Variants in ZNF410 observed in about 807,000 individuals in gnomAD.
ZNF410 encodes zinc finger protein 410, also known as another partner for ARF 1.
ZNF410 carries 18 observed loss-of-function variants against 54.8 expected under a neutral mutation model. That is an observed-to-expected ratio of 0.33 (90% CI 0.23 to 0.49). The LOEUF is 0.49. ZNF410 is among the 20% of genes least tolerant of loss of function. The pLI, the probability that ZNF410 is intolerant of heterozygous loss-of-function variation, is 0.99. For synonymous variants in ZNF410, 191 were observed against 207.3 expected, an observed-to-expected ratio of 0.92 and a Z score of 0.68; for missense variants, 405 against 569.6, an observed-to-expected ratio of 0.71 and a Z score of 2.94.
chr14:73,895,576 C>A (rs1022341084), intron 3 of ZNF410, among the ~76,000 whole-genome samples: 3 of 152,130 alleles, frequency 2.0e-5, no homozygotes, highest in East Asian at 1.9e-4. Context: ...TTCCACATTT[C>A]TTTTAGTTTT....
intron 11 of ZNF410, among the ~76,000 whole-genome samples, chr14:73,926,178 ACAAGATAC>A (rs1566667620): frequency 6.6e-6 from 1 of 152,214 alleles, no homozygotes; most frequent in Admixed American, 6.5e-5. Flanking sequence ...TATGCCTCTA[ACAAGATAC>A]AATATTAAAA....
At chr14:73,898,353 T>C (rs2055355090) in intron 5 of ZNF410, 91 bp downstream of exon 5, 1 of 1,303,394 alleles carries the variant, frequency 7.7e-7, no homozygotes, top group Non-Finnish European at 1.1e-6. Flanking sequence ...TAATTTAAAT[T>C]ATTCTATTGA....
chr14:73,904,743 G>A (rs1362700127), intron 6 of ZNF410, among the ~76,000 whole-genome samples, 159 bp from the exon 7 acceptor site: 1 of 148,178 alleles, frequency 6.7e-6, no homozygotes, highest in Non-Finnish European at 1.5e-5. Flanking sequence ...ACAGGCGTGA[G>A]CCACCACCCA....
At chr14:73,908,700 A>G (rs1357788033) in intron 7 of ZNF410, among the ~76,000 whole-genome samples, 1 of 152,118 alleles carries the variant, frequency 6.6e-6, no homozygotes, top group African/African-American at 2.4e-5. Context: ...CATCCTTGTC[A>G]TCTTTTAGAT....
At chr14:73,919,898 T>G (rs1174583375) in intron 8 of ZNF410, among the ~76,000 whole-genome samples, 1 of 147,142 alleles carries the variant, frequency 6.8e-6, no homozygotes, top group Non-Finnish European at 1.5e-5. Context: ...TTTTTTTTTT[T>G]TTTTTTTTTT....
intron 8 of ZNF410, among the ~76,000 whole-genome samples, chr14:73,917,201 T>C (rs1170373365): frequency 6.6e-6 from 1 of 152,196 alleles, no homozygotes; most frequent in Non-Finnish European, 1.5e-5. Context: ...AAAATGATAA[T>C]ACCAATATTA....
rs866747210 is a variant in ZNF410 at position 73,909,429 on chromosome 14, A to G, written c.1002A>G (p.Ser334=). 1 of 1,613,346 alleles carries G rather than the reference A, an allele frequency of 6.2e-7. No individual in the cohort carries two copies. The highest frequency in any genetic ancestry group is 8.5e-7 in the Non-Finnish European group (1 of 1,179,498). The change falls in exon 8 of 12, where the codon TCA becomes TCG. Residue 334 remains serine (S), a splice_region_variant and synonymous_variant. Coordinates refer to ENST00000555044, the MANE Select transcript of ZNF410 (RefSeq NM_021188.3). The stretch of plus-strand genomic sequence containing the variant: ...TCCGAAAACATCTGGTGGTTCACTC[A>G]GGTATCAGAACCTCTGCCATTCATA... The part of the protein sequence containing the change: ...SSLRKHLVVH[S]GEKPHQCQVC...
At chr14:73,897,685 G>A (rs1000371674) in intron 4 of ZNF410, among the ~76,000 whole-genome samples, 1 of 152,032 alleles carries the variant, frequency 6.6e-6, no homozygotes, top group Admixed American at 6.6e-5. Context: ...GACATGGAGA[G>A]TTTCTGGGCC....
intron 3 of ZNF410, chr14:73,896,044 C>G (rs915767432): frequency 2.4e-5 from 10 of 420,044 alleles, no homozygotes; most frequent in Non-Finnish European, 3.4e-5. Flanking sequence ...GGACTAAATT[C>G]TGTGATGTCC....
rs1417603799 is a variant in ZNF410, at chr14:73,892,059, T to TA, written c.-116dup. The TA allele has an allele frequency of 1.7e-6, 2 of 1,168,106 alleles. No homozygotes were observed. The highest frequency in any genetic ancestry group is 2.6e-6 in the Non-Finnish European group (2 of 774,046). The allele number at this position is 1,168,106 out of a possible 1,614,324, so 72.4% of individuals were successfully genotyped here. On this transcript the variant is annotated 5_prime_UTR_variant, in exon 2 of 12. Transcript: ENST00000555044. ...TGATTACCCACCTAGTACAACATCT[T>TA]ACGGGAAGAGCATAGTATTTCCTAG...
chr14:73,889,896 A>G (rs1448782313), intron 1 of ZNF410, among the ~76,000 whole-genome samples: 1 of 150,662 alleles, frequency 6.6e-6, no homozygotes, highest in Admixed American at 6.7e-5. Context: ...TCCTAGGTCC[A>G]AGCGATTCCC....
At position 73,898,084 on chromosome 14, in the gene ZNF410, A is replaced by T. The variant is rs549592504; in HGVS notation, c.402A>T (p.Ser134=). The change falls in exon 5 of 12, where the codon TCA becomes TCT. Residue 134 remains serine, a synonymous_variant. Coordinates refer to ENST00000555044, the MANE Select transcript of ZNF410 (RefSeq NM_021188.3). The stretch of plus-strand genomic sequence containing the variant: ...TGTTTCTTCCAGGTCTGGGCTCTTC[A>T]GCTGAGCACTTAGTGTTTGTACAGG... ...LNLTRAGLGS[S]AEHLVFVQDE... 3.1e-6 allele frequency: 5 copies of T among 1,613,246 alleles called. No individual in the cohort carries two copies. In the African/African-American group the frequency reaches 6.7e-5, roughly 22 times the overall value.
chr14:73,892,951 G>A (rs1437077805), intron 2 of ZNF410, among the ~76,000 whole-genome samples: 9 of 152,046 alleles, frequency 5.9e-5, no homozygotes, highest in Non-Finnish European at 1.2e-4. Flanking sequence ...GCGTGGTGGC[G>A]GGCACCTGTA....
intron 7 of ZNF410, among the ~76,000 whole-genome samples, chr14:73,905,964 CACACATATATATATAT>C (rs1254126436): frequency 2.0e-5 from 2 of 100,636 alleles, no homozygotes; most frequent in Non-Finnish European, 3.8e-5. Flanking sequence ...CACACACACA[CACACATATATATATAT>C]ATATATATAT....
rs765190743 is a variant in ZNF410 at position 73,923,541 on chromosome 14, CTT to C, written c.1398+21_1398+22del. On this transcript the variant is annotated intron_variant, in intron 11 of 11. Coordinates refer to ENST00000555044, the MANE Select transcript of ZNF410 (RefSeq NM_021188.3). ...ACAAGAGGTAAAGTGGTCTCTTGCC[CTT>C]TGTTTCTGTGACAATTCATGTGGGG... 7 of 1,604,494 alleles carry C rather than the reference CTT, an allele frequency of 4.4e-6. No individual in the cohort carries two copies. The African/African-American group carries it at 8.0e-5, about 18-fold the overall frequency.
At chr14:73,907,895 A>G (rs978212403) in intron 7 of ZNF410, among the ~76,000 whole-genome samples, 15 of 133,276 alleles carry the variant, frequency 1.1e-4, no homozygotes, top group Non-Finnish European at 2.2e-4. Context: ...CTCTGTCTTG[A>G]AAAAAAAAAA....
chr14:73,906,830 T>TC lies in ZNF410; in HGVS notation c.913+1748dup, dbSNP rs371730882. ...ACCTGATTTTCCCGTTGTTTTTTTT[T>TC]CTCTAATTCTTTCTAGCTTTTATCT... On this transcript the variant is annotated intron_variant, in intron 7 of 11. Coordinates refer to ENST00000555044, the MANE Select transcript of ZNF410 (RefSeq NM_021188.3). Among the ~76,000 whole-genome samples, 445 of 152,272 alleles carry TC rather than the reference T, an allele frequency of 2.9e-3. 1 individual carries two copies. The highest frequency in any genetic ancestry group is 1.0e-2 in the African/African-American group (414 of 41,554).
chr14:73,921,111 G>A lies in ZNF410; in HGVS notation c.1129+6G>A, dbSNP rs995283586. 6.2e-7 allele frequency: 1 copy of A among 1,613,770 alleles called. No individual in the cohort carries two copies. The highest frequency in any genetic ancestry group is 2.2e-5 in the East Asian group (1 of 44,882). On this transcript the variant is annotated splice_donor_region_variant and intron_variant, in intron 9 of 11. Coordinates refer to ENST00000555044, the MANE Select transcript of ZNF410 (RefSeq NM_021188.3). ...TCAAGAGCAGGAGCAAACTGGTGAG[G>A]AGGGTGGGCATAGTGGAACGCTGTA... is the stretch of plus-strand genomic sequence containing the variant.
intron 11 of ZNF410, among the ~76,000 whole-genome samples, chr14:73,927,384 G>T (rs951905306): frequency 6.6e-6 from 1 of 152,062 alleles, no homozygotes; most frequent in African/African-American, 2.4e-5. Flanking sequence ...CGGCCTAATT[G>T]TGATTCTTTT....
Sources: allele counts gnomAD v4.1 joint callset (sites outside exome capture counted in the v4.1 genomes callset), GRCh38; gene constraint gnomAD v4.1.1; transcripts MANE v1.5; gene names NCBI Gene and HGNC (gene_info 2026-07-23, HGNC 2026-07-21).